ATG3: variants seen among roughly 807,000 people sequenced by gnomAD.
ATG3 encodes the protein ubiquitin-like-conjugating enzyme ATG3.
Under a neutral mutation model 50.7 loss-of-function variants are expected in ATG3, and 25 were observed. That is an observed-to-expected ratio of 0.49 (90% CI 0.36 to 0.69). The LOEUF is 0.69. Ranked by LOEUF, ATG3 falls within the 30% of genes least tolerant of loss-of-function variation. The pLI is 0.00. For synonymous variants in ATG3, 119 were observed against 125.5 expected, an observed-to-expected ratio of 0.95 and a Z score of 0.34; for missense variants, 281 against 376.0, an observed-to-expected ratio of 0.75 and a Z score of 2.09.
chr3:112,549,452 GATTA>G (rs780899314), intron 4 of ATG3, among the ~76,000 whole-genome samples: 12 of 152,248 alleles, frequency 7.9e-5, no homozygotes, highest in Admixed American at 2.0e-4. Flanking sequence ...ATTGTTTTGT[GATTA>G]GTTAGGAACT....
chr3:112,544,729 C>T (rs112199775), intron 5 of ATG3, among the ~76,000 whole-genome samples: 2,585 of 148,124 alleles, frequency 0.017, 71 homozygotes, highest in African/African-American at 0.061. Context: ...ATTAAACTTG[C>T]ATCAAAATTT....
intron 1 of ATG3, among the ~76,000 whole-genome samples, chr3:112,560,539 ACT>A (rs1933828099): frequency 6.6e-6 from 1 of 152,118 alleles, no homozygotes; most frequent in South Asian, 2.1e-4. Flanking sequence ...TCACCCCCAC[ACT>A]GAGATTGGTA....
At chr3:112,556,096 T>C (rs1576728116) in intron 2 of ATG3, among the ~76,000 whole-genome samples, 1 of 152,232 alleles carries the variant, frequency 6.6e-6, no homozygotes. Context: ...AGAATGTTAA[T>C]GATATCCTTA....
intron 4 of ATG3, 134 bp downstream of exon 4, chr3:112,550,058 G>C (rs1433557096): frequency 1.0e-5 from 6 of 592,340 alleles, no homozygotes; most frequent in Non-Finnish European, 1.7e-5. Context: ...ACAACTATAT[G>C]TTTTTGGCAA....
At chr3:112,550,526 A>C (rs1933499872) in intron 3 of ATG3, among the ~76,000 whole-genome samples, 1 of 152,230 alleles carries the variant, frequency 6.6e-6, no homozygotes, top group South Asian at 2.1e-4. Context: ...AAGGTAGAAT[A>C]ATATAGAACT....
At chr3:112,546,426 T>C (rs1933372086) in intron 5 of ATG3, among the ~76,000 whole-genome samples, 1 of 152,230 alleles carries the variant, frequency 6.6e-6, no homozygotes, top group Non-Finnish European at 1.5e-5. Context: ...CGGATCAGGA[T>C]AGCAGATTTT....
At chr3:112,558,502 C>G (rs534284587) in intron 1 of ATG3, 85 bp from the exon 2 acceptor site, 44 of 1,064,332 alleles carry the variant, frequency 4.1e-5, no homozygotes, top group Non-Finnish European at 6.4e-5. Flanking sequence ...TTGCCTGGTG[C>G]CCTTCTAGGC....
chr3:112,534,467 AAC>A, intron 10 of ATG3, 130 bp from the exon 11 acceptor site: 1 of 531,500 alleles, frequency 1.9e-6, no homozygotes, highest in Non-Finnish European at 3.0e-6. Context: ...TTATATTATA[AAC>A]TATCTCCCCC....
chr3:112,550,695 G>A (rs1933504413), intron 3 of ATG3, among the ~76,000 whole-genome samples: 1 of 152,186 alleles, frequency 6.6e-6, no homozygotes, highest in South Asian at 2.1e-4. Context: ...ATGACATTAT[G>A]TAACACTGTA....
intron 5 of ATG3, among the ~76,000 whole-genome samples, chr3:112,544,378 A>G (rs1933315426): frequency 6.6e-6 from 1 of 152,200 alleles, no homozygotes; most frequent in Non-Finnish European, 1.5e-5. Flanking sequence ...CAGTTTGGCC[A>G]GGTGCGGTGG....
chr3:112,547,106 A>G (rs995764203), intron 5 of ATG3, among the ~76,000 whole-genome samples: 1 of 152,224 alleles, frequency 6.6e-6, no homozygotes, highest in East Asian at 1.9e-4. Flanking sequence ...TCTCAACTGA[A>G]GGCAGCAATT....
At chr3:112,543,259 A>G (rs1175376271) in intron 6 of ATG3, among the ~76,000 whole-genome samples, 1 of 152,146 alleles carries the variant, frequency 6.6e-6, no homozygotes, top group Non-Finnish European at 1.5e-5. Context: ...AATTAAGACA[A>G]GGGTGAAAGC....
At chr3:112,533,437 T>C (rs756400929) in intron 11 of ATG3, 58 of 985,170 alleles carry the variant, frequency 5.9e-5, no homozygotes, top group Non-Finnish European at 6.9e-5. Context: ...GGAGTAAATA[T>C]GGTTTGGACT....
chr3:112,554,939 C>A (rs1195971004), intron 2 of ATG3, among the ~76,000 whole-genome samples: 1 of 152,078 alleles, frequency 6.6e-6, no homozygotes, highest in East Asian at 1.9e-4. Flanking sequence ...AAGACAAAAA[C>A]CAAAATAAAA....
rs1933435575 is a variant in ATG3 at position 112,548,558 on chromosome 3, T to A, written c.318A>T (p.Gly106=). Residue 106 remains glycine, a synonymous_variant, in exon 5 of 12, where the codon GGA becomes GGT. Transcript: ENST00000283290. ...AIIEEDDGDG[G]WVDTYHNTGI... ...CTGTGTTGTGATATGTATCTACCCA[T>A]CCGCCATCACCATCATCTTCTTCAA... 6.2e-7 allele frequency: 1 copy of A among 1,613,626 alleles called. No individual in the cohort carries two copies.
chr3:112,536,009 G>A (rs1933032581), intron 10 of ATG3: 1 of 155,868 alleles, frequency 6.4e-6, no homozygotes, highest in Non-Finnish European at 1.4e-5. Flanking sequence ...GCTCTCAACT[G>A]AAGAACATAC....
At chr3:112,551,607 T>C (rs1204559847) in intron 3 of ATG3, among the ~76,000 whole-genome samples, 1 of 152,186 alleles carries the variant, frequency 6.6e-6, no homozygotes, top group East Asian at 1.9e-4. Flanking sequence ...AACAATGCTA[T>C]AAATCAAATA....
intron 1 of ATG3, among the ~76,000 whole-genome samples, chr3:112,559,035 G>A (rs745698103): frequency 3.9e-5 from 6 of 152,094 alleles, no homozygotes; most frequent in East Asian, 1.9e-4. Flanking sequence ...CACTGCGCCC[G>A]GCCAAGCTCT....
In ATG3 at chr3:112,558,418, C is replaced by T. The variant is rs1390684914; in HGVS notation, c.73-1G>A. ...CACCTGTTTCCTTAAACTTTGATTC[C>T]TAAAAAAAGCAGAAAGAAAAACAAT... On this transcript the variant is annotated splice_acceptor_variant, in intron 1 of 11. Transcript: ENST00000283290. LOFTEE classifies it high-confidence loss of function. The T allele has an allele frequency of 1.3e-6, 2 of 1,593,692 alleles. No homozygotes were observed. The highest frequency in any genetic ancestry group is 1.1e-5 in the South Asian group (1 of 90,380).
Sources: allele counts gnomAD v4.1 joint callset (sites outside exome capture counted in the v4.1 genomes callset), GRCh38; gene constraint gnomAD v4.1.1; transcripts MANE v1.5; gene names NCBI Gene and HGNC (gene_info 2026-07-23, HGNC 2026-07-21).